RALYL: variants seen among roughly 807,000 people sequenced by gnomAD.
RALYL encodes RALY RNA binding protein like, also known as RNA-binding Raly-like protein.
A neutral mutation model predicts 35.1 loss-of-function variants in RALYL; 29 were observed. That is an observed-to-expected ratio of 0.83 (90% CI 0.61 to 1.13). The LOEUF (loss-of-function observed/expected upper bound fraction) is 1.13. RALYL is among the 50% of genes most tolerant of loss of function. The pLI is 0.00. For synonymous variants in RALYL, 120 were observed against 127.6 expected (o/e 0.94, Z 0.40); for missense variants, 359 against 360.4 (o/e 1.00, Z 0.03).
At chr8:84,908,299 C>G (rs1329903303) in intron 8 of RALYL, among the ~76,000 whole-genome samples, 2 of 152,086 alleles carry the variant, frequency 1.3e-5, no homozygotes, top group African/African-American at 4.8e-5. Flanking sequence ...CAATAGATCT[C>G]AAAAAACTTA....
intron 2 of RALYL, among the ~76,000 whole-genome samples, chr8:84,671,667 C>T (rs1460627749): frequency 6.6e-6 from 1 of 152,164 alleles, no homozygotes; most frequent in African/African-American, 2.4e-5. Context: ...TACCTTGGCA[C>T]AGTTTAGTCA....
At chr8:84,831,785 A>G (rs2134399375) in intron 4 of RALYL, among the ~76,000 whole-genome samples, 1 of 152,306 alleles carries the variant, frequency 6.6e-6, no homozygotes, top group East Asian at 1.9e-4. Context: ...GGAAAAAAAT[A>G]GAAACCATAA....
At chr8:84,418,048 A>G (rs1017304570) in intron 1 of RALYL, among the ~76,000 whole-genome samples, 1 of 152,138 alleles carries the variant, frequency 6.6e-6, no homozygotes, top group African/African-American at 2.4e-5. Flanking sequence ...TCAATCTGTA[A>G]TGCATCACCT....
chr8:84,897,321 A>T (rs912981268), intron 8 of RALYL, among the ~76,000 whole-genome samples: 1 of 152,206 alleles, frequency 6.6e-6, no homozygotes, highest in African/African-American at 2.4e-5. Context: ...TTCATATGAA[A>T]CTTTGTATTT....
intron 1 of RALYL, among the ~76,000 whole-genome samples, chr8:84,422,514 G>A (rs1281313750): frequency 6.7e-5 from 5 of 74,954 alleles, no homozygotes; most frequent in Non-Finnish European, 9.9e-5. Flanking sequence ...TGGATTCATT[G>A]ATTTTTTGAA....
At chr8:84,443,758 C>G (rs186890957) in intron 1 of RALYL, among the ~76,000 whole-genome samples, 2 of 152,082 alleles carry the variant, frequency 1.3e-5, no homozygotes, top group East Asian at 3.9e-4. Flanking sequence ...GATGCACGTA[C>G]CCCCTGTGTT....
intron 2 of RALYL, among the ~76,000 whole-genome samples, chr8:84,547,093 G>A (rs942736164): frequency 6.6e-6 from 1 of 152,004 alleles, no homozygotes; most frequent in African/African-American, 2.4e-5. Context: ...GCATGCATTA[G>A]GTATTTATCC....
At chr8:84,261,141 C>T (rs1261833025) in intron 1 of RALYL, among the ~76,000 whole-genome samples, 2 of 147,710 alleles carry the variant, frequency 1.4e-5, no homozygotes, top group Non-Finnish European at 1.5e-5. Flanking sequence ...TTGATTAATT[C>T]CTAAGTTTTA....
chr8:84,767,886 T>C (rs1328027657), intron 2 of RALYL, among the ~76,000 whole-genome samples: 1 of 152,196 alleles, frequency 6.6e-6, no homozygotes, highest in Non-Finnish European at 1.5e-5. Flanking sequence ...TTCTGCACAA[T>C]GACTACAAAT....
intron 2 of RALYL, among the ~76,000 whole-genome samples, chr8:84,570,663 C>G (rs1283634946): frequency 1.3e-5 from 2 of 151,678 alleles, no homozygotes; most frequent in African/African-American, 2.4e-5. Context: ...AGTCTTGTGC[C>G]AGTTCTTAGG....
chr8:84,225,218 T>C (rs1310426738), intron 1 of RALYL, among the ~76,000 whole-genome samples: 1 of 152,234 alleles, frequency 6.6e-6, no homozygotes, highest in Non-Finnish European at 1.5e-5. Context: ...TATTTCTTCC[T>C]ATATCCATTG....
chr8:84,261,483 A>G (rs948108396), intron 1 of RALYL, among the ~76,000 whole-genome samples: 5 of 152,100 alleles, frequency 3.3e-5, no homozygotes, highest in Admixed American at 2.6e-4. Flanking sequence ...GAAGAAGGAC[A>G]TGTTTGCTTC....
At position 84,774,777 on chromosome 8, in the gene RALYL, A is replaced by G. The variant is rs1006369999; in HGVS notation, c.332+123A>G. Reference sequence around the variant, plus strand: ...ATAATCCTTATTGGAATAAAGTACAACAAATGTTGTTGGTCAACATATAAA... The same window carrying G: ...ATAATCCTTATTGGAATAAAGTACAGCAAATGTTGTTGGTCAACATATAAA... On this transcript the variant is annotated intron_variant, in intron 3 of 8. Transcript: ENST00000521268. 29 of 672,126 alleles carry G rather than the reference A, an allele frequency of 4.3e-5. No individual in the cohort carries two copies. The African/African-American group carries it at 5.3e-4, about 12-fold the overall frequency. The allele number at this position is 672,126 out of a possible 1,614,324, so 41.6% of individuals were successfully genotyped here.
intron 4 of RALYL, among the ~76,000 whole-genome samples, chr8:84,832,241 A>G (rs1831073608): frequency 2.0e-5 from 3 of 152,130 alleles, no homozygotes; most frequent in African/African-American, 7.2e-5. Flanking sequence ...ATGCCTCTTT[A>G]GTATTTACAG....
At chr8:84,526,859 A>T (rs1011020674) in intron 1 of RALYL, among the ~76,000 whole-genome samples, 3 of 152,152 alleles carry the variant, frequency 2.0e-5, no homozygotes, top group African/African-American at 4.8e-5. Context: ...TCTTTCTCAG[A>T]TGTAATGGCT....
intron 2 of RALYL, among the ~76,000 whole-genome samples, chr8:84,617,016 C>G (rs1337996272): frequency 6.6e-6 from 1 of 150,566 alleles, no homozygotes; most frequent in Non-Finnish European, 1.5e-5. Context: ...AGTTTGAAGT[C>G]AGGTAGTGTG....
intron 1 of RALYL, among the ~76,000 whole-genome samples, chr8:84,474,952 G>A (rs1230550898): frequency 7.1e-6 from 1 of 141,796 alleles, no homozygotes; most frequent in Non-Finnish European, 1.5e-5. Flanking sequence ...AGGGTACATG[G>A]GCACAATGTG....
intron 5 of RALYL, among the ~76,000 whole-genome samples, chr8:84,858,114 T>G (rs1837411116): frequency 6.6e-6 from 1 of 152,212 alleles, no homozygotes; most frequent in East Asian, 1.9e-4. Flanking sequence ...ATATTACCAG[T>G]TTTTAGCTTT....
intron 1 of RALYL, among the ~76,000 whole-genome samples, chr8:84,457,668 A>G (rs2050293251): frequency 6.6e-6 from 1 of 151,858 alleles, no homozygotes; most frequent in Non-Finnish European, 1.5e-5. Context: ...TAACCTCAGT[A>G]TTAATCCTGT....
Sources: allele counts gnomAD v4.1 joint callset (sites outside exome capture counted in the v4.1 genomes callset), GRCh38; gene constraint gnomAD v4.1.1; transcripts MANE v1.5; gene names NCBI Gene and HGNC (gene_info 2026-07-23, HGNC 2026-07-21).